LMBR1: variants seen among roughly 807,000 people sequenced by gnomAD.
LMBR1 encodes limb development membrane protein 1.
LMBR1 carries 52 observed loss-of-function variants against 73.9 expected under a neutral mutation model. The observed-to-expected ratio is 0.70, with a 90% CI of 0.56 to 0.89. LMBR1 has a LOEUF of 0.89. Ranked by LOEUF, LMBR1 falls within the 40% of genes least tolerant of loss-of-function variation. LMBR1 has a pLI of 0.00. For missense variants in LMBR1, 539 were observed against 579.8 expected (o/e 0.93, Z 0.72); for synonymous variants, 215 against 209.4 (o/e 1.03, Z -0.23).
intron 15 of LMBR1, among the ~76,000 whole-genome samples, chr7:156,712,714 A>G (rs1211396552): frequency 2.0e-5 from 3 of 152,194 alleles, no homozygotes; most frequent in African/African-American, 7.2e-5. Flanking sequence ...ATTTCACAAC[A>G]ACATGGGTGG....
intron 1 of LMBR1, among the ~76,000 whole-genome samples, chr7:156,888,146 C>G (rs1461609160): frequency 2.0e-5 from 3 of 152,094 alleles, no homozygotes; most frequent in Non-Finnish European, 4.4e-5. Flanking sequence ...CGTGGTGGCT[C>G]ACGCCTGTAA....
intron 1 of LMBR1, among the ~76,000 whole-genome samples, chr7:156,838,614 T>A (rs1323389233): frequency 6.6e-6 from 1 of 152,236 alleles, no homozygotes; most frequent in Non-Finnish European, 1.5e-5. Context: ...GATCCACTCA[T>A]CTGCTGGCAG....
chr7:156,772,875 G>A (rs1399486400), intron 5 of LMBR1, among the ~76,000 whole-genome samples: 1 of 151,808 alleles, frequency 6.6e-6, no homozygotes, highest in Non-Finnish European at 1.5e-5. Flanking sequence ...GGGAGGGGAA[G>A]GGAGGGGAGA....
chr7:156,762,217 CA>C lies in LMBR1; in HGVS notation c.620-20del, dbSNP rs748533492. 3 of 1,552,850 alleles carry C rather than the reference CA, an allele frequency of 1.9e-6. No individual in the cohort carries two copies. In the South Asian group the frequency reaches 3.4e-5, roughly 17 times the overall value. ...GTACACACTGCAGAAATAAGATCACCAAAAGACAGAAAGCGACATTATAGAG... is the reference window on the plus strand; with the variant it reads ...GTACACACTGCAGAAATAAGATCACCAAAGACAGAAAGCGACATTATAGAG... On this transcript the variant is annotated intron_variant, in intron 7 of 16. Transcript: ENST00000353442.
At position 156,893,029 on chromosome 7, in the gene LMBR1, G is replaced by A. The variant is rs1474536942; in HGVS notation, c.-36C>T. The A allele has an allele frequency of 6.9e-7, 1 of 1,458,734 alleles. No homozygotes were observed. The highest frequency in any genetic ancestry group is 9.0e-7 in the Non-Finnish European group (1 of 1,108,630). The allele number at this position is 1,458,734 out of a possible 1,614,324, so 90.4% of individuals were successfully genotyped here. The stretch of plus-strand genomic sequence containing the variant: ...GCCCGCCGCCGCGCCGCCCGCGTCC[G>A]CGTGCTCCGCCACACCATCGTCCGC... On this transcript the variant is annotated 5_prime_UTR_variant, in exon 1 of 17. Coordinates refer to ENST00000353442, the MANE Select transcript of LMBR1 (RefSeq NM_022458.4).
At chr7:156,688,555 G>C (rs1298428859) in intron 15 of LMBR1, among the ~76,000 whole-genome samples, 1 of 151,924 alleles carries the variant, frequency 6.6e-6, no homozygotes, top group Non-Finnish European at 1.5e-5. Flanking sequence ...GGCTGTAACT[G>C]ATCACAGGAA....
At chr7:156,799,615 G>T (rs1338965775) in intron 4 of LMBR1, among the ~76,000 whole-genome samples, 1 of 152,144 alleles carries the variant, frequency 6.6e-6, no homozygotes, top group Non-Finnish European at 1.5e-5. Context: ...GATATTGAAA[G>T]TAGGCCATGT....
At chr7:156,801,686 C>T (rs776696004) in intron 4 of LMBR1, among the ~76,000 whole-genome samples, 17 of 152,042 alleles carry the variant, frequency 1.1e-4, no homozygotes, top group Non-Finnish European at 2.2e-4. Context: ...CACATGCCAC[C>T]GTGCCAGGCT....
intron 1 of LMBR1, among the ~76,000 whole-genome samples, chr7:156,888,142 G>A (rs940069883): frequency 3.3e-5 from 5 of 152,318 alleles, no homozygotes; most frequent in Middle Eastern, 3.4e-3. Context: ...CGGGCGTGGT[G>A]GCTCACGCCT....
At chr7:156,731,546 A>G (rs1816832654) in intron 10 of LMBR1, among the ~76,000 whole-genome samples, 1 of 152,256 alleles carries the variant, frequency 6.6e-6, no homozygotes, top group Non-Finnish European at 1.5e-5. Context: ...ACTTTTAACA[A>G]GAAACCAGAA....
chr7:156,758,574 A>G (rs991331372), intron 8 of LMBR1, among the ~76,000 whole-genome samples: 1 of 152,160 alleles, frequency 6.6e-6, no homozygotes, highest in African/African-American at 2.4e-5. Flanking sequence ...TTCTTGCTCT[A>G]TTTGTTCACA....
chr7:156,824,120 C>T (rs1288198690), intron 4 of LMBR1, among the ~76,000 whole-genome samples: 1 of 149,032 alleles, frequency 6.7e-6, no homozygotes, highest in Non-Finnish European at 1.5e-5. Context: ...ACAACAACAA[C>T]AACAACAATA....
downstream of LMBR1, among the ~76,000 whole-genome samples, chr7:156,673,419 A>G (rs998245748): frequency 1.3e-5 from 2 of 152,248 alleles, no homozygotes; most frequent in Admixed American, 1.3e-4. Context: ...ATTATTAGAT[A>G]TTTGAAAGGC....
intron 4 of LMBR1, among the ~76,000 whole-genome samples, chr7:156,821,447 G>T (rs537555950): frequency 2.3e-4 from 35 of 152,336 alleles, no homozygotes; most frequent in African/African-American, 8.2e-4. Flanking sequence ...GCGGTGAAGG[G>T]AAACTCTCCG....
intron 9 of LMBR1, among the ~76,000 whole-genome samples, chr7:156,738,515 C>G (rs1409132670): frequency 6.6e-6 from 1 of 152,162 alleles, no homozygotes; most frequent in African/African-American, 2.4e-5. Context: ...AGAGGTTGCA[C>G]CACCTCTCCA....
chr7:156,790,819 A>G (rs370349606), intron 5 of LMBR1, among the ~76,000 whole-genome samples: 2 of 152,308 alleles, frequency 1.3e-5, no homozygotes, highest in South Asian at 2.1e-4. Context: ...TTTCCTCAAA[A>G]TAATACTTTC....
Position 156,793,741 on chromosome 7 carries a change from G to A in LMBR1, c.423+2648C>T, listed in dbSNP as rs767842706. Among the ~76,000 whole-genome samples, 10 of 152,184 alleles carry A rather than the reference G, an allele frequency of 6.6e-5. No homozygotes were observed. In the South Asian group the frequency reaches 1.5e-3, roughly 22 times the overall value. ...GTCAAATGCATTTAAAGACTACCTC[G>A]AAGATAAAGGTAATTTAATAATAGC... On this transcript the variant is annotated intron_variant, in intron 5 of 16. Coordinates refer to ENST00000353442, the MANE Select transcript of LMBR1 (RefSeq NM_022458.4).
intron 5 of LMBR1, among the ~76,000 whole-genome samples, chr7:156,764,685 T>C (rs757686245): frequency 1.3e-5 from 2 of 152,196 alleles, no homozygotes; most frequent in African/African-American, 2.4e-5. Context: ...ACATTTAACA[T>C]AAAAATATGA....
chr7:156,698,630 C>T (rs1808882929), intron 15 of LMBR1, among the ~76,000 whole-genome samples: 1 of 152,182 alleles, frequency 6.6e-6, no homozygotes, highest in African/African-American at 2.4e-5. Flanking sequence ...GTACCCTGGC[C>T]CTTTAGTCAC....
Sources: gnomAD v4.1 joint callset for allele counts (sites outside exome capture counted in the v4.1 genomes callset) on GRCh38, gnomAD v4.1.1 for gene constraint, MANE v1.5 for transcripts, NCBI Gene and HGNC (gene_info 2026-07-23, HGNC 2026-07-21) for gene names.